The following BBS1 variants were observed in gnomAD, a reference collection of about 807,000 sequenced individuals.
BBS1 encodes BBSome complex member BBS1.
Under a neutral mutation model 73.9 loss-of-function variants are expected in BBS1, and 60 were observed. That is an observed-to-expected ratio of 0.81 (90% CI 0.66 to 1.01). The LOEUF is 1.01. Ranked by LOEUF, BBS1 falls within the 50% of genes least tolerant of loss-of-function variation. BBS1 has a pLI of 0.00. For missense variants in BBS1, 718 were observed against 770.3 expected, an observed-to-expected ratio of 0.93 and a Z score of 0.80; for synonymous variants, 283 against 317.4, an observed-to-expected ratio of 0.89 and a Z score of 1.15.
intron 7 of BBS1, 85 bp from the exon 8 acceptor site, chr11:66,519,532 C>T: frequency 6.3e-7 from 1 of 1,592,388 alleles, no homozygotes; most frequent in East Asian, 2.2e-5. Context: ...CCTTTGCCCT[C>T]TTTCTTCCCT....
In BBS1 at chr11:66,523,481, A is replaced by G; in HGVS notation, c.856A>G (p.Ile286Val). Residue 286 changes from isoleucine (I) to valine (V), a missense_variant, in exon 10 of 17, where the codon ATC becomes GTC. Ile to Val is a conservative substitution (Grantham distance 29). Transcript: ENST00000318312. ...AGACTCCAAGCACCCCAAGTACTGC[A>G]TCGAGCTGAGCGCCCAGCCTGTGGG... ...RRDSKHPKYCIELSAQPVGLI... is the reference protein window; with the variant it reads ...RRDSKHPKYCVELSAQPVGLI... 1 of 1,614,134 alleles carries G rather than the reference A, an allele frequency of 6.2e-7. No individual in the cohort carries two copies.
chr11:66,514,803 A>G, intron 4 of BBS1, 125 bp downstream of exon 4: 1 of 1,101,244 alleles, frequency 9.1e-7, no homozygotes, highest in Non-Finnish European at 1.3e-6. Context: ...CATCTCTGAC[A>G]GCAGCAGTGA....
chr11:66,511,607 G>T (rs138476861), intron 3 of BBS1, among the ~76,000 whole-genome samples: 2 of 152,242 alleles, frequency 1.3e-5, no homozygotes, highest in East Asian at 1.9e-4. Context: ...TTTAAGATGG[G>T]CCATGAGCTG....
chr11:66,532,066 C>T lies in BBS1; in HGVS notation c.*29C>T. ...CTGAGCTGCTGTGAAAGCCCCTGCA[C>T]AATCAGCCAGGGAGAACTGGGCGGG... is the stretch of plus-strand genomic sequence containing the variant. On this transcript the variant is annotated 3_prime_UTR_variant, in exon 17 of 17. Coordinates refer to ENST00000318312, the MANE Select transcript of BBS1 (RefSeq NM_024649.5). 1.3e-6 allele frequency: 2 copies of T among 1,578,904 alleles called. No individual in the cohort carries two copies. Among genetic ancestry groups the T allele is most frequent in the South Asian group, 1.2e-5 (1 of 86,728 alleles).
chr11:66,524,194 C>T (rs1254166037), intron 11 of BBS1: 3 of 387,696 alleles, frequency 7.7e-6, no homozygotes, highest in Non-Finnish European at 1.5e-5. Context: ...GTAGGAGAAT[C>T]GCTTGAGCCT....
Position 66,529,424 on chromosome 11 carries a change from T to C in BBS1, c.1340-395T>C, listed in dbSNP as rs748027381. 1.4e-5 allele frequency: 14 copies of C among 970,564 alleles called. No individual in the cohort carries two copies. In the South Asian group the frequency reaches 1.8e-4, roughly 12 times the overall value. The allele number at this position is 970,564 out of a possible 1,614,324, so 60.1% of individuals were successfully genotyped here. On this transcript the variant is annotated intron_variant, in intron 13 of 16. Coordinates refer to ENST00000318312, the MANE Select transcript of BBS1 (RefSeq NM_024649.5). Reference sequence around the variant, plus strand: ...TAAGCTGCTGGAGACACATGCACAATATCGAGCGTGGACACCAAGGACTCC... The same window carrying C: ...TAAGCTGCTGGAGACACATGCACAACATCGAGCGTGGACACCAAGGACTCC...
rs774005906 is a variant in BBS1 at position 66,526,665 on chromosome 11, C to G, written c.1197C>G (p.Ile399Met). 6.2e-7 allele frequency: 1 copy of G among 1,614,204 alleles called. No homozygotes were observed. The highest frequency in any genetic ancestry group is 8.5e-7 in the Non-Finnish European group (1 of 1,180,018). ...CTTCCCTAGGTGGTGGCCTGATCAT[C>G]AAGATCCTGAAGCGTACAGCAGTGT... ...IMTTRGGGLIIKILKRTAVFV... is the reference protein window; with the variant it reads ...IMTTRGGGLIMKILKRTAVFV... The change falls in exon 13 of 17, where the codon ATC becomes ATG. Residue 399 changes from isoleucine to methionine, a missense_variant. Physicochemically the swap from Ile to Met is conservative, Grantham distance 10. Coordinates refer to ENST00000318312, the MANE Select transcript of BBS1 (RefSeq NM_024649.5).
intron 11 of BBS1, 170 bp downstream of exon 11, chr11:66,524,052 G>A (rs1275524937): frequency 1.1e-6 from 1 of 950,342 alleles, no homozygotes; most frequent in Non-Finnish European, 1.6e-6. Flanking sequence ...GGCCAAGGTG[G>A]GCAGATCACC....
chr11:66,512,054 GTA>G (rs929759406), intron 3 of BBS1, among the ~76,000 whole-genome samples: 1 of 145,414 alleles, frequency 6.9e-6, no homozygotes, highest in Non-Finnish European at 1.5e-5. Context: ...ATATATATGT[GTA>G]TATATATGTA....
intron 12 of BBS1, 128 bp downstream of exon 12, chr11:66,526,320 A>G (rs1856488700): frequency 1.0e-6 from 1 of 964,176 alleles, no homozygotes; most frequent in East Asian, 2.6e-5. Flanking sequence ...AGGCCTACAG[A>G]AGTGTCCTTC....
intron 8 of BBS1, 157 bp from the exon 9 acceptor site, chr11:66,521,113 C>T: frequency 2.9e-6 from 2 of 695,182 alleles, no homozygotes; most frequent in Non-Finnish European, 5.2e-6. Context: ...TAAATGTTGC[C>T]CCAAGTTTCC....
chr11:66,512,442 T>G (rs1385584568), intron 3 of BBS1, among the ~76,000 whole-genome samples: 1 of 152,136 alleles, frequency 6.6e-6, no homozygotes, highest in Non-Finnish European at 1.5e-5. Context: ...TAGGACTCAG[T>G]GGTTTTTGCC....
At chr11:66,526,625 CATT>C in intron 12 of BBS1, 21 bp from the exon 13 acceptor site, 1 of 1,614,124 alleles carries the variant, frequency 6.2e-7, no homozygotes, top group Non-Finnish European at 8.5e-7. Context: ...AGGACAAATC[CATT>C]TCCACTGTCC....
chr11:66,511,180 TG>T, intron 2 of BBS1, 24 bp from the exon 3 acceptor site: 1 of 1,614,140 alleles, frequency 6.2e-7, no homozygotes, highest in South Asian at 1.1e-5. Flanking sequence ...TCTGAGACTC[TG>T]GTTTTGGCCC....
At position 66,514,611 on chromosome 11, in the gene BBS1, T is replaced by G; in HGVS notation, c.365T>G (p.Phe122Cys). ...GTGTATAAGAATCTCAGACCCTACT[T>G]CAAGTTCAGCCTGCCCCAATTGCCT... ...VYVYKNLRPY[F>C]KFSLPQLPPN... The change falls in exon 4 of 17, where the codon TTC (phenylalanine) becomes TGC (cysteine). Residue 122 changes from phenylalanine to cysteine, a missense_variant. Coordinates refer to ENST00000318312, the MANE Select transcript of BBS1 (RefSeq NM_024649.5). The G allele has an allele frequency of 6.2e-7, 1 of 1,613,872 alleles. No homozygotes were observed. Among genetic ancestry groups the G allele is most frequent in the Non-Finnish European group, 8.5e-7 (1 of 1,180,026 alleles).
intron 15 of BBS1, 88 bp downstream of exon 15, chr11:66,531,116 G>A (rs1856762852): frequency 3.2e-6 from 5 of 1,557,414 alleles, no homozygotes; most frequent in Admixed American, 1.9e-5. Context: ...CCAGGTCAGG[G>A]TCAGAGCGTG....
chr11:66,516,685 G>GGACT (rs1856056920), intron 7 of BBS1, among the ~76,000 whole-genome samples: 1 of 151,870 alleles, frequency 6.6e-6, no homozygotes. Context: ...TGAGTAGTTG[G>GGACT]GACTACAAGT....
In BBS1 at chr11:66,530,890, A is replaced by G. The variant is rs778416468; in HGVS notation, c.1474-4A>G. ...AGGGCTTTCTCCACCCACCCTCTCC[A>G]TAGGTTCAGGGCCTTGGCCCCACCT... On this transcript the variant is annotated splice_region_variant and splice_polypyrimidine_tract_variant and intron_variant, in intron 14 of 16. Coordinates refer to ENST00000318312, the MANE Select transcript of BBS1 (RefSeq NM_024649.5). 1.9e-6 allele frequency: 3 copies of G among 1,614,068 alleles called. No homozygotes were observed. Among genetic ancestry groups the G allele is most frequent in the Middle Eastern group, 1.6e-4 (1 of 6,062 alleles).
At chr11:66,519,792 G>A in intron 8 of BBS1, 44 bp downstream of exon 8, 1 of 1,608,504 alleles carries the variant, frequency 6.2e-7, no homozygotes, top group South Asian at 1.1e-5. Context: ...GGCCCAGGCT[G>A]CATTCTCTCC....
Sources: gnomAD v4.1 joint callset for allele counts (sites outside exome capture counted in the v4.1 genomes callset) on GRCh38, gnomAD v4.1.1 for gene constraint, MANE v1.5 for transcripts, NCBI Gene and HGNC (gene_info 2026-07-23, HGNC 2026-07-21) for gene names.